The following HHIPL1 variants were observed in gnomAD, a reference collection of about 807,000 sequenced individuals.
The protein encoded by HHIPL1 is HHIP-like protein 1.
HHIPL1 carries 43 observed loss-of-function variants against 61.8 expected under a neutral mutation model. The ratio of observed to expected loss-of-function variants is 0.70; its 90% CI spans 0.55 to 0.90. HHIPL1 has a LOEUF of 0.90. Ranked by LOEUF, HHIPL1 falls within the 40% of genes least tolerant of loss-of-function variation. The pLI, the probability that HHIPL1 is intolerant of heterozygous loss-of-function variation, is 0.00. For missense variants in HHIPL1, 1,056 were observed against 1,157.7 expected, an observed-to-expected ratio of 0.91 and a Z score of 1.28; for synonymous variants, 482 against 515.8, an observed-to-expected ratio of 0.93 and a Z score of 0.89.
At chr14:99,637,000 GAAGAAAGA>G in the HHIPL1 span, among the ~76,000 whole-genome samples, 9,028 of 76,810 alleles carry the variant, frequency 0.12, 651 homozygotes, top group East Asian at 0.18. Context: ...AAGAAAGAAA[GAAGAAAGA>G]AAGAAAGAAA....
the HHIPL1 span, among the ~76,000 whole-genome samples, chr14:99,639,593 T>A: frequency 6.6e-6 from 1 of 152,190 alleles, no homozygotes; most frequent in Non-Finnish European, 1.5e-5. Flanking sequence ...GCAATCTGCC[T>A]GCCTCAGCCT....
upstream of HHIPL1, among the ~76,000 whole-genome samples, chr14:99,642,760 G>A (rs556078332): frequency 1.1e-4 from 16 of 152,152 alleles, no homozygotes; most frequent in South Asian, 2.1e-4. Context: ...TCCTGACATC[G>A]TGATCCGCCC....
At chr14:99,655,177 G>C (rs1280500857) in intron 2 of HHIPL1, among the ~76,000 whole-genome samples, 1 of 152,198 alleles carries the variant, frequency 6.6e-6, no homozygotes, top group Non-Finnish European at 1.5e-5. Flanking sequence ...TCTCCATGGA[G>C]AACCTGGAGT....
At chr14:99,656,862 AG>A (rs61559508) in intron 2 of HHIPL1, 137 bp from the exon 3 acceptor site, 1 of 72,804 alleles carries the variant, frequency 1.4e-5, no homozygotes, top group Non-Finnish European at 2.6e-5. Context: ...GAAGGAAGGA[AG>A]GAAGGAAGGA....
At position 99,652,887 on chromosome 14, in the gene HHIPL1, A is replaced by G. The variant is rs777785614; in HGVS notation, c.902+17A>G. 3.1e-6 allele frequency: 5 copies of G among 1,606,046 alleles called. No individual in the cohort carries two copies. In the South Asian group the frequency reaches 5.5e-5, roughly 18 times the overall value. ...CTCTGAGAGGTGGCTTCCTTGGGGAACCCGGGCCTGGGTGGGGGCAGGCAC... is the reference window on the plus strand; with the variant it reads ...CTCTGAGAGGTGGCTTCCTTGGGGAGCCCGGGCCTGGGTGGGGGCAGGCAC... On this transcript the variant is annotated intron_variant, in intron 2 of 8. Coordinates refer to ENST00000330710, the MANE Select transcript of HHIPL1 (RefSeq NM_001127258.3).
intron 3 of HHIPL1, 56 bp from the exon 4 acceptor site, chr14:99,659,372 C>G: frequency 2.3e-6 from 3 of 1,329,494 alleles, no homozygotes; most frequent in East Asian, 6.1e-5. Flanking sequence ...CCGCGGAGCC[C>G]GTGAGCCCTG....
the HHIPL1 span, among the ~76,000 whole-genome samples, chr14:99,634,837 G>A: frequency 6.6e-6 from 1 of 152,184 alleles, no homozygotes; most frequent in Non-Finnish European, 1.5e-5. Flanking sequence ...CGGGAGTGCT[G>A]TTGTTTTTCA....
the HHIPL1 span, among the ~76,000 whole-genome samples, chr14:99,637,193 A>AAGGAAGGAAGGAAGG: frequency 1.2e-5 from 1 of 83,848 alleles, no homozygotes; most frequent in African/African-American, 4.2e-5. Flanking sequence ...AGAATGGAAG[A>AAGGAAGGAAGGAAGG]AAGAAAGGAA....
the HHIPL1 span, among the ~76,000 whole-genome samples, chr14:99,637,647 A>C: frequency 2.6e-5 from 4 of 152,182 alleles, no homozygotes; most frequent in African/African-American, 9.6e-5. Context: ...CCAGATGCTG[A>C]TCTGTCTTCT....
chr14:99,627,577 G>A, the HHIPL1 span, among the ~76,000 whole-genome samples: 1 of 152,256 alleles, frequency 6.6e-6, no homozygotes, highest in Non-Finnish European at 1.5e-5. This position sits in a 1 kb window ranked among gnomAD's most constrained non-coding sequence, Gnocchi z 4.4. Flanking sequence ...GGAGAGACAA[G>A]TCTGGGCATT....
chr14:99,656,119 G>A (rs780137971), intron 2 of HHIPL1, among the ~76,000 whole-genome samples: 13 of 152,326 alleles, frequency 8.5e-5, no homozygotes, highest in Admixed American at 1.3e-4. Flanking sequence ...CCTGCCCACC[G>A]TTAGAAGCTG....
the HHIPL1 span, among the ~76,000 whole-genome samples, chr14:99,626,267 G>GGTGTGTGTGTGTGTGT: frequency 1.2e-4 from 17 of 147,486 alleles, no homozygotes; most frequent in African/African-American, 4.0e-4. Flanking sequence ...GGTGTAGCGG[G>GGTGTGTGTGTGTGTGT]GTGTGTGTGT....
Position 99,656,804 on chromosome 14 carries a change from A to G in HHIPL1, c.903-196A>G, listed in dbSNP as rs2056038820. On this transcript the variant is annotated intron_variant, in intron 2 of 8. Transcript: ENST00000330710. ...AAGAAAAGAAAAGAAAGAAAGAAAGAAAGAAAGAAAGAAAGAAAGAAAGAA... is the reference window on the plus strand; with the variant it reads ...AAGAAAAGAAAAGAAAGAAAGAAAGGAAGAAAGAAAGAAAGAAAGAAAGAA... Among the ~76,000 whole-genome samples the G allele has an allele frequency of 1.8e-3, 4 of 2,258 alleles. 1 individual carries two copies. Among genetic ancestry groups the G allele is most frequent in the African/African-American group, 2.1e-3 (4 of 1,890 alleles). The allele number at this position is 2,258 out of a possible 152,430, so 1.5% of individuals were successfully genotyped here. A position where few individuals can be genotyped will look rare whatever the true frequency, so the allele number is the denominator to read the frequency against.
the HHIPL1 span, among the ~76,000 whole-genome samples, chr14:99,610,615 G>C: frequency 6.6e-6 from 1 of 152,146 alleles, no homozygotes; most frequent in African/African-American, 2.4e-5. Flanking sequence ...ACAAAAATTA[G>C]CCAGGTGTGG....
Position 99,668,831 on chromosome 14 carries a change from G to C in HHIPL1, c.1730+528G>C. Reference sequence around the variant, plus strand: ...CTCCATCTCCCCGGCTTCCCTTCTAGCTGTAAGGCCAGAAGCGCCATGCCC... The same window carrying C: ...CTCCATCTCCCCGGCTTCCCTTCTACCTGTAAGGCCAGAAGCGCCATGCCC... On this transcript the variant is annotated intron_variant, in intron 7 of 8. Transcript: ENST00000330710. The surrounding 1 kb of genome is among the most constrained non-coding windows in gnomAD (Gnocchi z 4.7). 6.2e-7 allele frequency: 1 copy of C among 1,613,578 alleles called. No homozygotes were observed. The highest frequency in any genetic ancestry group is 2.2e-5 in the East Asian group (1 of 44,858).
At chr14:99,669,195 G>T in intron 7 of HHIPL1, 1 of 1,248,232 alleles carries the variant, frequency 8.0e-7, no homozygotes, top group Non-Finnish European at 1.0e-6. Context: ...TCTTCACTCT[G>T]CAGAGGCCGC....
At chr14:99,643,672 T>G (rs1454295193), upstream of HHIPL1, among the ~76,000 whole-genome samples, 1 of 152,172 alleles carries the variant, frequency 6.6e-6, no homozygotes, top group African/African-American at 2.4e-5. Flanking sequence ...TTCCCAGCTG[T>G]CTGTGCAGGA....
At chr14:99,652,936 C>A in intron 2 of HHIPL1, 66 bp downstream of exon 2, 1 of 1,448,962 alleles carries the variant, frequency 6.9e-7, no homozygotes, top group Non-Finnish European at 9.4e-7. Context: ...TGTGACAGGA[C>A]CAGTTGGTAT....
chr14:99,637,217 AAAGAAAGAAAGAAAGAAAG>A, the HHIPL1 span, among the ~76,000 whole-genome samples: 3 of 122,002 alleles, frequency 2.5e-5, no homozygotes, highest in Non-Finnish European at 5.2e-5. Context: ...AGAAAGAAAG[AAAGAAAGAAAGAAAGAAAG>A]AAAGAAAGAA....
Sources: allele counts gnomAD v4.1 joint callset (sites outside exome capture counted in the v4.1 genomes callset), GRCh38; gene constraint gnomAD v4.1.1; non-coding constraint Gnocchi (gnomAD v3.1); transcripts MANE v1.5; gene names NCBI Gene and HGNC (gene_info 2026-07-23, HGNC 2026-07-21).